Variants in DPP10 observed in about 807,000 individuals in gnomAD.
The protein encoded by DPP10 is inactive dipeptidyl peptidase 10.
In DPP10, 33 loss-of-function variants were observed where a neutral mutation model predicts 120.9. The ratio of observed to expected loss-of-function variants is 0.27; its 90% CI spans 0.21 to 0.37. The LOEUF (loss-of-function observed/expected upper bound fraction) is 0.37. Ranked by LOEUF, DPP10 falls within the 10% of genes least tolerant of loss-of-function variation. DPP10 has a pLI of 1.00. For missense variants in DPP10, 816 were observed against 942.8 expected (o/e 0.87, Z 1.76); for synonymous variants, 337 against 326.1 (o/e 1.03, Z -0.36).
intron 5 of DPP10, among the ~76,000 whole-genome samples, chr2:115,544,527 T>C (rs1326395141): frequency 6.6e-6 from 1 of 152,044 alleles, no homozygotes; most frequent in Non-Finnish European, 1.5e-5. Flanking sequence ...TCATGGATTA[T>C]TTTGTATTTG....
chr2:115,326,194 A>G (rs2062355368), intron 2 of DPP10, among the ~76,000 whole-genome samples: 1 of 152,056 alleles, frequency 6.6e-6, no homozygotes. Context: ...GCACATTATA[A>G]TGGCTTTTAG....
chr2:115,739,674 G>A, intron 8 of DPP10, 65 bp from the exon 9 acceptor site: 4 of 1,523,476 alleles, frequency 2.6e-6, no homozygotes, highest in Non-Finnish European at 3.6e-6. Flanking sequence ...TTCAAGGACA[G>A]ATGTTTGTGG....
intron 3 of DPP10, among the ~76,000 whole-genome samples, chr2:115,481,991 A>T (rs2075459335): frequency 2.0e-5 from 3 of 152,070 alleles, no homozygotes; most frequent in African/African-American, 2.4e-5. Context: ...AAAGTTGGTA[A>T]AAAGTTAAAC....
intron 10 of DPP10, among the ~76,000 whole-genome samples, chr2:115,752,558 T>A (rs1678879930): frequency 6.6e-6 from 1 of 152,070 alleles, no homozygotes; most frequent in African/African-American, 2.4e-5. Context: ...ATGGAAAAAA[T>A]TATGTATTAA....
intron 1 of DPP10, among the ~76,000 whole-genome samples, chr2:114,928,824 C>T (rs369201581): frequency 2.6e-5 from 4 of 152,170 alleles, no homozygotes; most frequent in East Asian, 1.9e-4. Flanking sequence ...AGACATAGCA[C>T]GAGGTGTATG....
chr2:114,699,778 T>C (rs1392586938), intron 1 of DPP10, among the ~76,000 whole-genome samples: 1 of 151,830 alleles, frequency 6.6e-6, no homozygotes, highest in Admixed American at 6.6e-5. Context: ...CCACACAGTG[T>C]GGGAAGAGCA....
chr2:114,762,555 C>A (rs1345243261), intron 1 of DPP10, among the ~76,000 whole-genome samples: 2 of 152,168 alleles, frequency 1.3e-5, no homozygotes, highest in African/African-American at 4.8e-5. Flanking sequence ...TAAAAGGAAG[C>A]AGAACACAGA....
intron 1 of DPP10, among the ~76,000 whole-genome samples, chr2:115,298,410 C>G (rs2060980716): frequency 6.6e-6 from 1 of 152,032 alleles, no homozygotes; most frequent in South Asian, 2.1e-4. Context: ...TACCAAATTC[C>G]TCTGAGTGTA....
intron 1 of DPP10, among the ~76,000 whole-genome samples, chr2:115,050,943 C>T (rs528999924): frequency 3.9e-5 from 6 of 152,250 alleles, no homozygotes; most frequent in African/African-American, 1.4e-4. Flanking sequence ...AGAATACAGA[C>T]TTTATGATAT....
intron 1 of DPP10, among the ~76,000 whole-genome samples, chr2:114,452,050 T>C (rs896371079): frequency 6.6e-6 from 1 of 152,206 alleles, no homozygotes; most frequent in South Asian, 2.1e-4. Context: ...GGTAGCCTTA[T>C]AATCTAAAAG....
chr2:114,593,924 C>T (rs891703927), intron 1 of DPP10, among the ~76,000 whole-genome samples: 2 of 152,272 alleles, frequency 1.3e-5, no homozygotes, highest in South Asian at 4.1e-4. Flanking sequence ...TGATCTTTCT[C>T]ACTGGAGTTG....
chr2:115,386,901 G>T (rs1177897083), intron 3 of DPP10, among the ~76,000 whole-genome samples: 1 of 146,196 alleles, frequency 6.8e-6, no homozygotes, highest in Non-Finnish European at 1.5e-5. Flanking sequence ...TAAGTACTCA[G>T]TAAAAAAAAA....
At chr2:114,746,232 T>C (rs535976414) in intron 1 of DPP10, among the ~76,000 whole-genome samples, 58 of 152,292 alleles carry the variant, frequency 3.8e-4, no homozygotes, top group African/African-American at 1.3e-3. Context: ...CTTACCCAAA[T>C]GTCTTTTGAA....
intron 1 of DPP10, among the ~76,000 whole-genome samples, chr2:115,061,636 T>A: frequency 6.6e-6 from 1 of 152,314 alleles, no homozygotes; most frequent in Non-Finnish European, 1.5e-5. Context: ...ATGATGGTGA[T>A]GATTATAGAG....
chr2:115,611,909 A>G (rs1320984880), intron 5 of DPP10, among the ~76,000 whole-genome samples: 1 of 152,136 alleles, frequency 6.6e-6, no homozygotes, highest in Non-Finnish European at 1.5e-5. Context: ...CTCAAGTTTG[A>G]ATAGAGAGAG....
At chr2:115,062,128 CTG>C (rs61413782) in intron 1 of DPP10, among the ~76,000 whole-genome samples, 15,036 of 143,738 alleles carry the variant, frequency 0.1, 940 homozygotes, top group African/African-American at 0.19. Flanking sequence ...GATTACAGTT[CTG>C]TGTGTGTGTG....
At chr2:114,623,007 T>G (rs1168103215) in intron 1 of DPP10, among the ~76,000 whole-genome samples, 4 of 152,070 alleles carry the variant, frequency 2.6e-5, no homozygotes, top group African/African-American at 9.7e-5. Flanking sequence ...GAACCAAGGT[T>G]AATGATGAGG....
chr2:114,456,264 CA>C (rs995388668), intron 1 of DPP10, among the ~76,000 whole-genome samples: 14 of 152,130 alleles, frequency 9.2e-5, no homozygotes, highest in Admixed American at 7.9e-4. Context: ...GACATAACAC[CA>C]TAAACTAATT....
At chr2:115,798,642 C>A (rs1300358261) in intron 19 of DPP10, among the ~76,000 whole-genome samples, 2 of 151,892 alleles carry the variant, frequency 1.3e-5, no homozygotes, top group Non-Finnish European at 2.9e-5. Context: ...TGCAAAGTTC[C>A]CTACTAAAAA....
Sources: gnomAD v4.1 joint callset for allele counts (sites outside exome capture counted in the v4.1 genomes callset) on GRCh38, gnomAD v4.1.1 for gene constraint, MANE v1.5 for transcripts, NCBI Gene and HGNC (gene_info 2026-07-23, HGNC 2026-07-21) for gene names.